The following SLC16A6 variants were observed in gnomAD, a reference collection of about 807,000 sequenced individuals.
SLC16A6 encodes monocarboxylate transporter 7.
SLC16A6 carries 15 observed loss-of-function variants against 33.8 expected under a neutral mutation model. That is an observed-to-expected ratio of 0.44 (90% CI 0.30 to 0.68). The LOEUF (loss-of-function observed/expected upper bound fraction) is 0.68. SLC16A6 is among the 30% of genes least tolerant of loss of function. The pLI, the probability that SLC16A6 is intolerant of heterozygous loss-of-function variation, is 0.10. For missense variants in SLC16A6, 451 were observed against 661.5 expected (o/e 0.68, Z 3.49); for synonymous variants, 219 against 248.4 (o/e 0.88, Z 1.11).
In SLC16A6 at chr17:68,278,285, G is replaced by A; in HGVS notation, c.36C>T (p.Ala12=). ...TQNKLKLCSK[A]NVYTEVPDGG... Reference sequence around the variant, plus strand: ...CATCAGGCACTTCAGTATACACATTGGCTTTGGAACAAAGCTTTAATTTAT... The same window carrying A: ...CATCAGGCACTTCAGTATACACATTAGCTTTGGAACAAAGCTTTAATTTAT... The change falls in exon 2 of 6, where the codon GCC becomes GCT. Residue 12 remains alanine (A), a synonymous_variant. Coordinates refer to ENST00000580666, the MANE Select transcript of SLC16A6 (RefSeq NM_004694.5). The A allele has an allele frequency of 1.2e-6, 2 of 1,613,944 alleles. No homozygotes were observed. Among genetic ancestry groups the A allele is most frequent in the Non-Finnish European group, 1.7e-6 (2 of 1,179,950 alleles).
At chr17:68,272,856 T>G in intron 3 of SLC16A6, 89 bp from the exon 4 acceptor site, 1 of 1,544,182 alleles carries the variant, frequency 6.5e-7, no homozygotes, top group Non-Finnish European at 8.8e-7. Context: ...TTTTTGGTTT[T>G]GCTTTTTGAA....
At position 68,271,256 on chromosome 17, in the gene SLC16A6, G is replaced by C; in HGVS notation, c.904C>G (p.Leu302Val). Residue 302 changes from leucine to valine, a missense_variant, in exon 5 of 6, where the codon CTC becomes GTC. Physicochemically the swap from Leu to Val is conservative, Grantham distance 32. Transcript: ENST00000580666. This position sits in a 1 kb window ranked among gnomAD's most constrained non-coding sequence, Gnocchi z 5.3. ...GCAAAGAATCCCAGTGTTGCAAAGA[G>C]ACCAAATAATGCATAACAAATAAAA... ...KSFICYALFGLFATLGFFAPS... is the reference protein window; with the variant it reads ...KSFICYALFGVFATLGFFAPS... The C allele has an allele frequency of 3.1e-6, 5 of 1,614,142 alleles. No homozygotes were observed. Among genetic ancestry groups the C allele is most frequent in the Non-Finnish European group, 4.2e-6 (5 of 1,180,046 alleles).
At chr17:68,278,431 T>G in intron 1 of SLC16A6, 104 bp from the exon 2 acceptor site, 1 of 677,370 alleles carries the variant, frequency 1.5e-6, no homozygotes, top group Non-Finnish European at 2.5e-6. Flanking sequence ...ACCCCATTTC[T>G]TAAGTTGTTG....
intron 2 of SLC16A6, chr17:68,274,322 C>G (rs551801599): frequency 6.1e-6 from 2 of 326,740 alleles, no homozygotes; most frequent in East Asian, 5.5e-5. Context: ...AAAAATTAGC[C>G]AGGCATGGTG....
rs782421181 is a variant in SLC16A6 at position 68,269,673 on chromosome 17, G to GTTTTTTTTTTTTTT, written c.1322-341_1322-328dup. 2.8e-4 allele frequency among the ~76,000 whole-genome samples: 22 copies of GTTTTTTTTTTTTTT among 77,876 alleles called. 3 individuals are homozygous for GTTTTTTTTTTTTTT. Among genetic ancestry groups the GTTTTTTTTTTTTTT allele is most frequent in the Non-Finnish European group, 3.7e-4 (17 of 46,090 alleles). 51.1% of individuals were successfully genotyped at this position (77,876 alleles called of 152,430 possible). ...TTATTTTCACTTGAGTTCACTTTAG[G>GTTTTTTTTTTTTTT]TTTTTTTTTTTTTTTTTTAGACAGA... is the stretch of plus-strand genomic sequence containing the variant. On this transcript the variant is annotated intron_variant, in intron 5 of 5. Transcript: ENST00000580666.
rs1247152562 is a variant in SLC16A6, at chr17:68,272,628, A to T, written c.505+11T>A. 1 of 1,613,360 alleles carries T rather than the reference A, an allele frequency of 6.2e-7. No homozygotes were observed. Among genetic ancestry groups the T allele is most frequent in the East Asian group, 2.2e-5 (1 of 44,864 alleles). ...TCCACATTCATACTTAGGCTGTTGT[A>T]GTCCACCTACCTGGTGCGAAAGCAA... On this transcript the variant is annotated intron_variant, in intron 4 of 5. Coordinates refer to ENST00000580666, the MANE Select transcript of SLC16A6 (RefSeq NM_004694.5).
intron 1 of SLC16A6, chr17:68,282,938 ACT>A (rs1486160654): frequency 3.4e-5 from 5 of 148,406 alleles, no homozygotes; most frequent in African/African-American, 5.0e-5. Flanking sequence ...ACAGTGCAAG[ACT>A]CTGTCTCAAA....
At chr17:68,279,597 A>C (rs2075629522) in intron 1 of SLC16A6, among the ~76,000 whole-genome samples, 1 of 152,198 alleles carries the variant, frequency 6.6e-6, no homozygotes, top group Admixed American at 6.6e-5. Context: ...ACACCAGTTA[A>C]CTGAGTTACC....
At chr17:68,275,838 C>A (rs1353934879) in intron 2 of SLC16A6, among the ~76,000 whole-genome samples, 1 of 151,754 alleles carries the variant, frequency 6.6e-6, no homozygotes, top group Non-Finnish European at 1.5e-5. Context: ...AAAAAATTAG[C>A]CAGGCGTGGT....
At chr17:68,272,035 T>G (rs2075358438) in intron 4 of SLC16A6, among the ~76,000 whole-genome samples, 3 of 152,096 alleles carry the variant, frequency 2.0e-5, no homozygotes, top group Non-Finnish European at 4.4e-5. Flanking sequence ...TCTCCTGACC[T>G]CCTGATCTGC....
chr17:68,283,646 C>A (rs145756130), intron 1 of SLC16A6, among the ~76,000 whole-genome samples: 7 of 151,496 alleles, frequency 4.6e-5, no homozygotes, highest in Non-Finnish European at 7.4e-5. Context: ...CATGGAGAAA[C>A]GCTGTCTCTA....
Position 68,267,490 on chromosome 17 carries a change from C to T in SLC16A6, c.*1606G>A, listed in dbSNP as rs1741958935. ...ATGTAGCAGGTGGTGATGAACTATGCCACTTTCATTTCAGTGCAGAGAAAT... is the reference window on the plus strand; with the variant it reads ...ATGTAGCAGGTGGTGATGAACTATGTCACTTTCATTTCAGTGCAGAGAAAT... On this transcript the variant is annotated 3_prime_UTR_variant, in exon 6 of 6. Coordinates refer to ENST00000580666, the MANE Select transcript of SLC16A6 (RefSeq NM_004694.5). The T allele has an allele frequency of 6.6e-6, 1 of 152,158 alleles. No homozygotes were observed. Among genetic ancestry groups the T allele is most frequent in the African/African-American group, 2.4e-5 (1 of 41,430 alleles). 9.4% of individuals were successfully genotyped at this position (152,158 alleles called of 1,614,324 possible). A position where few individuals can be genotyped will look rare whatever the true frequency, so the allele number is the denominator to read the frequency against.
intron 1 of SLC16A6, among the ~76,000 whole-genome samples, chr17:68,288,282 G>A (rs1382398525): frequency 6.6e-6 from 1 of 152,140 alleles, no homozygotes; most frequent in Non-Finnish European, 1.5e-5. Context: ...TTACAGGCGT[G>A]AGCCACTGTG....
intron 5 of SLC16A6, among the ~76,000 whole-genome samples, chr17:68,269,915 C>T (rs2075281466): frequency 6.6e-6 from 1 of 151,910 alleles, no homozygotes; most frequent in Admixed American, 6.6e-5. Context: ...TCAAATGATC[C>T]GCCCGCCTCA....
rs1555747652 is a variant in SLC16A6, at chr17:68,269,293, C to T, written c.1375G>A (p.Ala459Thr). ...CACACAGCAGCCAGGGCCATGCCAG[C>T]TGCGCAGGAGTAGAAGGCCCTGCTG... is the stretch of plus-strand genomic sequence containing the variant. Reference protein sequence around the residue: ...IYSRAFYSCAAGMALAAVCLA... With the variant: ...IYSRAFYSCATGMALAAVCLA... The change falls in exon 6 of 6, where the codon GCT (alanine) becomes ACT (threonine). Residue 459 changes from alanine to threonine, a missense_variant. Around this residue, in one of 2 missense-constraint regions of SLC16A6, gnomAD observed 46 missense variants for 150.8 expected, o/e 0.31. Transcript: ENST00000580666. The T allele has an allele frequency of 5.3e-6, 7 of 1,321,690 alleles. No homozygotes were observed. The highest frequency in any genetic ancestry group is 7.3e-6 in the Non-Finnish European group (7 of 964,786). The allele number at this position is 1,321,690 out of a possible 1,614,324, so 81.9% of individuals were successfully genotyped here.
At chr17:68,273,310 G>C (rs1404464122) in intron 3 of SLC16A6, among the ~76,000 whole-genome samples, 2 of 151,932 alleles carry the variant, frequency 1.3e-5, no homozygotes, top group African/African-American at 2.4e-5. Flanking sequence ...CCAGGCTCAA[G>C]TGATCCTCCC....
chr17:68,277,720 C>T (rs1311552470), intron 2 of SLC16A6, among the ~76,000 whole-genome samples: 4 of 152,136 alleles, frequency 2.6e-5, no homozygotes, highest in Non-Finnish European at 2.9e-5. Flanking sequence ...CCACTGTGCC[C>T]GGCCATCAGC....
chr17:68,287,945 C>T (rs1737188834), intron 1 of SLC16A6, among the ~76,000 whole-genome samples: 1 of 148,524 alleles, frequency 6.7e-6, no homozygotes, highest in Non-Finnish European at 1.5e-5. Context: ...CTTCTCTTCT[C>T]TCTCTCTTTC....
intron 3 of SLC16A6, among the ~76,000 whole-genome samples, chr17:68,273,233 G>A (rs2075401447): frequency 6.6e-6 from 1 of 151,316 alleles, no homozygotes; most frequent in African/African-American, 2.4e-5. Flanking sequence ...TAAACAGACA[G>A]GGTCTCACTC....
Sources: gnomAD v4.1 joint callset for allele counts (sites outside exome capture counted in the v4.1 genomes callset) on GRCh38, gnomAD v4.1.1 for gene constraint, gnomAD v4.1.1 regional missense constraint, Gnocchi (gnomAD v3.1) non-coding constraint, MANE v1.5 for transcripts, NCBI Gene and HGNC (gene_info 2026-07-23, HGNC 2026-07-21) for gene names.